Variants in LLGL2 observed in about 807,000 individuals in gnomAD.
LLGL2 encodes LLGL2, scribble cell polarity complex component.
Under a neutral mutation model 123.2 loss-of-function variants are expected in LLGL2, and 81 were observed. The ratio of observed to expected loss-of-function variants is 0.66; its 90% CI spans 0.55 to 0.79. The LOEUF (loss-of-function observed/expected upper bound fraction) is 0.79, where lower values mean the gene tolerates loss of function less well. LLGL2 is among the 30% of genes least tolerant of loss of function. The pLI is 0.00. For synonymous variants in LLGL2, 577 were observed against 594.1 expected, an observed-to-expected ratio of 0.97 and a Z score of 0.42; for missense variants, 1,273 against 1,414.6, an observed-to-expected ratio of 0.90 and a Z score of 1.61.
At position 75,566,592 on chromosome 17, in the gene LLGL2, G is replaced by A. The variant is rs549953349; in HGVS notation, c.1037-1884G>A. Among the ~76,000 whole-genome samples, 660 of 152,328 alleles carry A rather than the reference G, an allele frequency of 4.3e-3. 10 individuals carry two copies. The highest frequency in any genetic ancestry group is 0.014 in the African/African-American group (592 of 41,566). On this transcript the variant is annotated intron_variant, in intron 10 of 25. Coordinates refer to ENST00000392550, the MANE Select transcript of LLGL2 (RefSeq NM_001031803.2). ...TGTAGCCATGGACAACACAAGGGGC[G>A]TATCCGTGTTCCAGGACAGCCATAT...
rs566670029 is a variant in LLGL2, at chr17:75,534,846, G to A, written c.-30-8551G>A. On this transcript the variant is annotated intron_variant, in intron 1 of 25. Transcript: ENST00000392550. The stretch of plus-strand genomic sequence containing the variant: ...TGAATCGATCACTTCATAAGTAATT[G>A]TAAGAATTAAATAAGGTGAATGTAA... Among the ~76,000 whole-genome samples the A allele has an allele frequency of 3.3e-5, 5 of 152,338 alleles. No homozygotes were observed. In the South Asian group the frequency reaches 1.0e-3, roughly 32 times the overall value.
In LLGL2 at chr17:75,556,488, AT is replaced by A. The variant is rs1193248578; in HGVS notation, c.173+347del. On this transcript the variant is annotated intron_variant, in intron 3 of 25. Coordinates refer to ENST00000392550, the MANE Select transcript of LLGL2 (RefSeq NM_001031803.2). Reference sequence around the variant, plus strand: ...CTTTACTCAGTTTCCCCTCTCACCTATTCCTGGAGGTTTCAGGAATCCCCCA... The same window carrying A: ...CTTTACTCAGTTTCCCCTCTCACCTATCCTGGAGGTTTCAGGAATCCCCCA... Among the ~76,000 whole-genome samples, 4 of 152,160 alleles carry A rather than the reference AT, an allele frequency of 2.6e-5. No homozygotes were observed. The East Asian group carries it at 7.7e-4, about 29-fold the overall frequency.
chr17:75,570,023 G>A lies in LLGL2; in HGVS notation c.1642G>A (p.Asp548Asn), dbSNP rs143887617. 9.3e-6 allele frequency: 15 copies of A among 1,611,894 alleles called. 1 individual carries two copies. Among genetic ancestry groups the A allele is most frequent in the African/African-American group, 6.7e-5 (5 of 74,924 alleles). Reference protein sequence around the residue: ...AEQAVEQVEADLLQDQEGYRW... With the variant: ...AEQAVEQVEANLLQDQEGYRW... ...GCAGGCTGTGGAGCAGGTGGAGGCC[G>A]ACCTGCTGCAGGACCAAGAGGGCTA... Residue 548 changes from aspartate (D) to asparagine (N), a missense_variant, in exon 15 of 26, where the codon GAC (aspartate) becomes AAC (asparagine). By Grantham distance (23) the Asp-to-Asn change is conservative. Transcript: ENST00000392550.
chr17:75,557,479 T>C (rs542055984), intron 3 of LLGL2, among the ~76,000 whole-genome samples: 9 of 152,296 alleles, frequency 5.9e-5, no homozygotes, highest in Non-Finnish European at 1.0e-4. Context: ...CCGGATCAGG[T>C]TGGGCACCCC....
chr17:75,550,941 C>T (rs117442223), intron 2 of LLGL2, among the ~76,000 whole-genome samples: 5,564 of 152,188 alleles, frequency 0.037, 140 homozygotes, highest in Middle Eastern at 0.11. Flanking sequence ...GTTAGCTGCT[C>T]TTAGTCCTGT....
intron 19 of LLGL2, among the ~76,000 whole-genome samples, 160 bp from the exon 20 acceptor site, chr17:75,572,854 G>A (rs959184191): frequency 1.3e-5 from 2 of 151,896 alleles, no homozygotes; most frequent in East Asian, 1.9e-4. Context: ...TAGGGAAGTC[G>A]GTGACCTCGG....
At chr17:75,574,813 G>C in intron 25 of LLGL2, 58 bp from the exon 26 acceptor site, 2 of 1,605,808 alleles carry the variant, frequency 1.2e-6, no homozygotes, top group Non-Finnish European at 1.7e-6. Flanking sequence ...CAGCGTGGGC[G>C]GCTGGGGCAC....
chr17:75,558,541 C>A lies in LLGL2; in HGVS notation c.285C>A (p.Asn95Lys). The A allele has an allele frequency of 6.2e-7, 1 of 1,608,726 alleles. No individual in the cohort carries two copies. ...AGCTGGTCACCCTGCTGGATGACAACAGCCTGCACCTTTGGAGCCTGAAGG... is the reference window on the plus strand; with the variant it reads ...AGCTGGTCACCCTGCTGGATGACAAAAGCCTGCACCTTTGGAGCCTGAAGG... ...QCQLVTLLDD[N>K]SLHLWSLKVK... is the part of the protein sequence containing the mutation. Residue 95 changes from asparagine (N) to lysine (K), a missense_variant, in exon 5 of 26, where the codon AAC becomes AAA. Transcript: ENST00000392550. This position sits in a 1 kb window ranked among gnomAD's most constrained non-coding sequence, Gnocchi z 4.0.
intron 2 of LLGL2, among the ~76,000 whole-genome samples, chr17:75,551,433 A>G (rs1258025013): frequency 7.8e-6 from 1 of 128,116 alleles, no homozygotes; most frequent in Non-Finnish European, 1.6e-5. Context: ...TACAAAGCTT[A>G]GTGGGTCTGA....
intron 2 of LLGL2, 43 bp downstream of exon 2, chr17:75,543,544 C>A: frequency 6.4e-7 from 1 of 1,565,676 alleles, no homozygotes; most frequent in South Asian, 1.1e-5. Context: ...AGGTTTTCGG[C>A]CAAGCAGCTC....
At chr17:75,563,584 ACAG>A (rs1178726355) in intron 8 of LLGL2, 121 bp downstream of exon 8, 56 of 1,506,074 alleles carry the variant, frequency 3.7e-5, no homozygotes, top group Non-Finnish European at 4.5e-5. Flanking sequence ...CCAAAGCCAC[ACAG>A]CAGGGTTCGC....
In LLGL2 at chr17:75,544,603, CTT is replaced by C. The variant is rs969187377; in HGVS notation, c.75+1103_75+1104del. On this transcript the variant is annotated intron_variant, in intron 2 of 25. Transcript: ENST00000392550. This position sits in a 1 kb window ranked among gnomAD's most constrained non-coding sequence, Gnocchi z 4.2. ...TAAGGGCGTACGTGGGGTGAGGTAACTTAAGTGCTAGGCACAGTGGCCCAGGA... is the reference window on the plus strand; with the variant it reads ...TAAGGGCGTACGTGGGGTGAGGTAACAAGTGCTAGGCACAGTGGCCCAGGA... Among the ~76,000 whole-genome samples the C allele has an allele frequency of 3.3e-5, 5 of 152,188 alleles. No homozygotes were observed. The highest frequency in any genetic ancestry group is 9.7e-5 in the African/African-American group (4 of 41,446).
chr17:75,560,992 C>T (rs541819914), intron 6 of LLGL2, among the ~76,000 whole-genome samples: 25 of 152,102 alleles, frequency 1.6e-4, no homozygotes, highest in African/African-American at 5.1e-4. Context: ...CCATCACACC[C>T]GGCTTATTTT....
intron 2 of LLGL2, among the ~76,000 whole-genome samples, chr17:75,548,080 G>A (rs989838274): frequency 2.6e-5 from 4 of 152,100 alleles, no homozygotes; most frequent in Admixed American, 1.3e-4. Context: ...TCACTGGAGC[G>A]TTTCAGATTT....
At position 75,566,164 on chromosome 17, in the gene LLGL2, C is replaced by T. The variant is rs538633506; in HGVS notation, c.1036+1657C>T. 2.0e-5 allele frequency among the ~76,000 whole-genome samples: 3 copies of T among 152,234 alleles called. No homozygotes were observed. The East Asian group carries it at 5.8e-4, about 29-fold the overall frequency. On this transcript the variant is annotated intron_variant, in intron 10 of 25. Coordinates refer to ENST00000392550, the MANE Select transcript of LLGL2 (RefSeq NM_001031803.2). ...TTGGCTTGCTCCAATGAGGTAGGGG[C>T]GAAGAGAGGGCAGAATGGCCCCCGT...
chr17:75,567,790 AAGTT>A (rs1168343615), intron 10 of LLGL2: 1 of 151,696 alleles, frequency 6.6e-6, no homozygotes, highest in East Asian at 1.9e-4. Context: ...AAAAATACAA[AAGTT>A]AGCTGGGTAT....
intron 3 of LLGL2, chr17:75,557,951 A>G (rs2147366741): frequency 3.0e-6 from 2 of 665,500 alleles, no homozygotes; most frequent in Non-Finnish European, 5.5e-6. Context: ...TCTCCCAGGG[A>G]TCAGGTCACT....
At chr17:75,535,879 G>A (rs146215094) in intron 1 of LLGL2, among the ~76,000 whole-genome samples, 6 of 152,272 alleles carry the variant, frequency 3.9e-5, no homozygotes, top group Admixed American at 6.5e-5. Context: ...ATATTTTGCC[G>A]GCCAGGTGCA....
Position 75,573,071 on chromosome 17 carries a change from G to A in LLGL2, c.2518G>A (p.Gly840Ser). 6.2e-7 allele frequency: 1 copy of A among 1,613,150 alleles called. No homozygotes were observed. Among genetic ancestry groups the A allele is most frequent in the Admixed American group, 1.7e-5 (1 of 60,002 alleles). Reference sequence around the variant, plus strand: ...GAAGTTGAAGCTGACGGCCCTGGAGGGCTCAAGAGTGCGGCGGGTCAGCGT... The same window carrying A: ...GAAGTTGAAGCTGACGGCCCTGGAGAGCTCAAGAGTGCGGCGGGTCAGCGT... Reference protein sequence around the residue: ...KLKLKLTALEGSRVRRVSVAH... With the variant: ...KLKLKLTALESSRVRRVSVAH... Residue 840 changes from glycine (G) to serine (S), a missense_variant, in exon 20 of 26, where the codon GGC becomes AGC. Coordinates refer to ENST00000392550, the MANE Select transcript of LLGL2 (RefSeq NM_001031803.2).
Sources: allele counts gnomAD v4.1 joint callset (sites outside exome capture counted in the v4.1 genomes callset), GRCh38; gene constraint gnomAD v4.1.1; non-coding constraint Gnocchi (gnomAD v3.1); transcripts MANE v1.5; gene names NCBI Gene and HGNC (gene_info 2026-07-23, HGNC 2026-07-21).